The following ERBB4 variants were observed in gnomAD, a reference collection of about 807,000 sequenced individuals.
ERBB4 encodes erb-b2 receptor tyrosine kinase 4, also known as receptor tyrosine-protein kinase erbB-4.
Under a neutral mutation model 158.0 loss-of-function variants are expected in ERBB4, and 42 were observed. That is an observed-to-expected ratio of 0.27 (90% CI 0.21 to 0.34). The LOEUF is 0.34. Among genes scored for constraint, ERBB4 ranks in the 10% least tolerant of loss-of-function variants. The probability of loss-of-function intolerance (pLI) is 1.00; values close to 1 mark genes in which losing one functional copy is unlikely to be tolerated. For synonymous variants in ERBB4, 583 were observed against 558.7 expected, an observed-to-expected ratio of 1.04 and a Z score of -0.61; for missense variants, 1,333 against 1,624.1, an observed-to-expected ratio of 0.82 and a Z score of 3.08.
chr2:211,455,799 T>G (rs1489995238), intron 20 of ERBB4, among the ~76,000 whole-genome samples: 1 of 152,196 alleles, frequency 6.6e-6, no homozygotes, highest in Non-Finnish European at 1.5e-5. Flanking sequence ...AGAGAGCTTC[T>G]TCGTGTCCTC....
intron 1 of ERBB4, among the ~76,000 whole-genome samples, chr2:212,365,048 A>C: frequency 6.6e-6 from 1 of 151,748 alleles, no homozygotes; most frequent in African/African-American, 2.4e-5. Flanking sequence ...TATTTTATAA[A>C]ATATTTATAA....
chr2:211,396,235 A>G (rs1369308150), intron 25 of ERBB4, among the ~76,000 whole-genome samples: 1 of 152,136 alleles, frequency 6.6e-6, no homozygotes, highest in Middle Eastern at 3.2e-3. Context: ...AATAGCTTAA[A>G]ACAAGATAAC....
chr2:212,490,923 T>C (rs1334714060), intron 1 of ERBB4, among the ~76,000 whole-genome samples: 2 of 151,778 alleles, frequency 1.3e-5, no homozygotes, highest in African/African-American at 4.8e-5. Flanking sequence ...CTCTTGAAAG[T>C]GAATAGTATT....
intron 14 of ERBB4, among the ~76,000 whole-genome samples, chr2:211,670,993 G>C (rs761588971): frequency 6.6e-6 from 1 of 151,938 alleles, no homozygotes; most frequent in African/African-American, 2.4e-5. Flanking sequence ...TTTCAGACAT[G>C]GGATTTTTTT....
chr2:212,034,599 TAGATA>T (rs2076973082), intron 2 of ERBB4, among the ~76,000 whole-genome samples: 1 of 152,084 alleles, frequency 6.6e-6, no homozygotes, highest in Non-Finnish European at 1.5e-5. Flanking sequence ...TTTATAGAAA[TAGATA>T]ATGGGAGTAC....
intron 1 of ERBB4, among the ~76,000 whole-genome samples, chr2:212,415,183 A>C (rs887651898): frequency 2.6e-5 from 4 of 152,128 alleles, no homozygotes; most frequent in Non-Finnish European, 4.4e-5. Flanking sequence ...TGATCCAAGA[A>C]CTGGGAAAGG....
At position 212,323,103 on chromosome 2, in the gene ERBB4, C is replaced by G. The variant is rs1430062020; in HGVS notation, c.83-198200G>C. ...ACTAGAAATACCTATCCAATGAAAG[C>G]AAATTTAAGAATTTTTGTCACTGTA... On this transcript the variant is annotated intron_variant, in intron 1 of 27. Transcript: ENST00000342788. Among the ~76,000 whole-genome samples, 4 of 150,456 alleles carry G rather than the reference C, an allele frequency of 2.7e-5. 2 individuals are homozygous for G. The highest frequency in any genetic ancestry group is 6.0e-5 in the Non-Finnish European group (4 of 67,100).
At chr2:212,010,608 G>C (rs1398363177) in intron 2 of ERBB4, among the ~76,000 whole-genome samples, 1 of 152,124 alleles carries the variant, frequency 6.6e-6, no homozygotes, top group Non-Finnish European at 1.5e-5. Flanking sequence ...CAGAACTACT[G>C]ATAAGGGTCT....
intron 1 of ERBB4, among the ~76,000 whole-genome samples, chr2:212,325,311 T>C (rs17347152): frequency 0.071 from 10,696 of 150,542 alleles, 1,062 homozygotes; most frequent in Non-Finnish European, 0.11. Context: ...TCATATGCAC[T>C]ATAAATTTTG....
At chr2:211,980,805 A>G (rs1367509429) in intron 2 of ERBB4, among the ~76,000 whole-genome samples, 1 of 152,172 alleles carries the variant, frequency 6.6e-6, no homozygotes, top group African/African-American at 2.4e-5. Context: ...GACACATTGT[A>G]CAGTTAGGTC....
intron 2 of ERBB4, among the ~76,000 whole-genome samples, chr2:212,007,299 C>A (rs746150507): frequency 5.3e-4 from 80 of 151,658 alleles, no homozygotes; most frequent in Non-Finnish European, 9.4e-4. Flanking sequence ...GATATTTGTG[C>A]TATATATTAC....
At chr2:212,273,689 A>G (rs2085422840) in intron 1 of ERBB4, among the ~76,000 whole-genome samples, 1 of 151,856 alleles carries the variant, frequency 6.6e-6, no homozygotes, top group Non-Finnish European at 1.5e-5. Context: ...GAGGTAAAGT[A>G]TTATAATACT....
intron 2 of ERBB4, among the ~76,000 whole-genome samples, chr2:212,047,943 T>C (rs981679426): frequency 2.0e-5 from 3 of 152,152 alleles, no homozygotes; most frequent in Non-Finnish European, 2.9e-5. Context: ...ATACAAGGAA[T>C]TAAAGCAAAG....
At chr2:212,353,149 T>C (rs2089324806) in intron 1 of ERBB4, among the ~76,000 whole-genome samples, 1 of 151,994 alleles carries the variant, frequency 6.6e-6, no homozygotes, top group African/African-American at 2.4e-5. Flanking sequence ...ATTGTTTTTG[T>C]TAGGCTTTGA....
chr2:212,470,446 T>C (rs1361498356), intron 1 of ERBB4, among the ~76,000 whole-genome samples: 2 of 152,128 alleles, frequency 1.3e-5, no homozygotes, highest in African/African-American at 4.8e-5. Context: ...CATACAGTTT[T>C]ACAATGAGAC....
intron 1 of ERBB4, among the ~76,000 whole-genome samples, chr2:212,140,517 A>G (rs2080425203): frequency 6.9e-6 from 1 of 143,928 alleles, no homozygotes; most frequent in African/African-American, 2.8e-5. Flanking sequence ...TTTCATTTTT[A>G]AAAATGTTTT....
intron 2 of ERBB4, among the ~76,000 whole-genome samples, chr2:212,095,257 A>G (rs1559487406): frequency 6.6e-6 from 1 of 152,196 alleles, no homozygotes. Context: ...TATCAAAACA[A>G]CTTTTGTGTG....
chr2:211,712,807 G>A (rs1348673128), intron 8 of ERBB4, among the ~76,000 whole-genome samples: 1 of 151,820 alleles, frequency 6.6e-6, no homozygotes, highest in Non-Finnish European at 1.5e-5. Context: ...AAAGAGAGAG[G>A]GGATAAGGAA....
chr2:212,506,286 A>G (rs1201597269), intron 1 of ERBB4, among the ~76,000 whole-genome samples: 1 of 148,686 alleles, frequency 6.7e-6, no homozygotes, highest in East Asian at 1.9e-4. Flanking sequence ...CTGAGATGAA[A>G]TAATTATAAA....
Sources: allele counts gnomAD v4.1 joint callset (sites outside exome capture counted in the v4.1 genomes callset), GRCh38; gene constraint gnomAD v4.1.1; transcripts MANE v1.5; gene names NCBI Gene and HGNC (gene_info 2026-07-23, HGNC 2026-07-21).